The following PDE4D variants were observed in gnomAD, a reference collection of about 807,000 sequenced individuals.
The protein encoded by PDE4D is 3',5'-cyclic-AMP phosphodiesterase 4D.
A neutral mutation model predicts 87.4 loss-of-function variants in PDE4D; 24 were observed. The observed-to-expected ratio is 0.27, with a 90% confidence interval of 0.20 to 0.39. The LOEUF (loss-of-function observed/expected upper bound fraction) is 0.39. PDE4D is among the 10% of genes least tolerant of loss of function. The pLI is 1.00. For missense variants in PDE4D, 714 were observed against 1,041.0 expected (o/e 0.69, Z 4.32); for synonymous variants, 384 against 383.2 (o/e 1.00, Z -0.02).
chr5:60,265,506 T>C (rs964069029), intron 1 of PDE4D, among the ~76,000 whole-genome samples: 1 of 152,188 alleles, frequency 6.6e-6, no homozygotes. Flanking sequence ...GGCTGTCTGA[T>C]GAGCTCTTGG....
chr5:59,124,200 TC>T (rs1182918084), intron 5 of PDE4D, among the ~76,000 whole-genome samples: 1 of 152,152 alleles, frequency 6.6e-6, no homozygotes, highest in Admixed American at 6.5e-5. Flanking sequence ...AGTGAGGAGT[TC>T]TATTTGTTTG....
intron 1 of PDE4D, among the ~76,000 whole-genome samples, chr5:60,255,104 T>A (rs1328115585): frequency 6.6e-6 from 1 of 151,898 alleles, no homozygotes; most frequent in Non-Finnish European, 1.5e-5. Context: ...TTAGTAACCA[T>A]CTCTTCATAT....
chr5:60,319,034 C>G (rs532733443), intron 1 of PDE4D, among the ~76,000 whole-genome samples: 3 of 152,124 alleles, frequency 2.0e-5, no homozygotes, highest in Non-Finnish European at 4.4e-5. Context: ...GTTGGCCTGC[C>G]TTGCTAAATT....
intron 2 of PDE4D, among the ~76,000 whole-genome samples, chr5:59,214,935 T>C (rs73760109): frequency 6.6e-6 from 1 of 152,168 alleles, no homozygotes; most frequent in African/African-American, 2.4e-5. Flanking sequence ...CAGCCTGTTA[T>C]GAGTTTTTGA....
At chr5:60,501,750 A>G (rs997805614) in intron 1 of PDE4D, among the ~76,000 whole-genome samples, 1 of 152,092 alleles carries the variant, frequency 6.6e-6, no homozygotes, top group African/African-American at 2.4e-5. Flanking sequence ...TCTGATGGCC[A>G]GTGATGGTGA....
chr5:59,205,493 T>C (rs923857373), intron 2 of PDE4D, among the ~76,000 whole-genome samples: 5 of 152,152 alleles, frequency 3.3e-5, no homozygotes, highest in Non-Finnish European at 7.4e-5. Context: ...CCGCTTTCTG[T>C]ATGCTCAAAT....
intron 1 of PDE4D, among the ~76,000 whole-genome samples, chr5:60,351,933 G>T (rs1759234510): frequency 6.7e-6 from 1 of 150,368 alleles, no homozygotes; most frequent in South Asian, 2.1e-4. Context: ...AGCCTCCTGA[G>T]TAGCTAGGAC....
intron 1 of PDE4D, among the ~76,000 whole-genome samples, chr5:59,660,523 C>T (rs1745067438): frequency 6.6e-6 from 1 of 151,916 alleles, no homozygotes; most frequent in Non-Finnish European, 1.5e-5. Flanking sequence ...ATTGAAGAGC[C>T]ACCTGACTAC....
intron 1 of PDE4D, among the ~76,000 whole-genome samples, chr5:60,364,824 C>T (rs1179827964): frequency 2.0e-5 from 3 of 152,106 alleles, no homozygotes; most frequent in Non-Finnish European, 2.9e-5. Flanking sequence ...TTTTTAAAAC[C>T]AAAATATACA....
At chr5:59,484,330 G>T (rs1004477297) in intron 1 of PDE4D, among the ~76,000 whole-genome samples, 5 of 152,154 alleles carry the variant, frequency 3.3e-5, no homozygotes, top group African/African-American at 4.8e-5. Flanking sequence ...TGCTCAACTT[G>T]TAATGGACTA....
At chr5:60,111,793 T>C (rs1777717282) in intron 2 of PDE4D, among the ~76,000 whole-genome samples, 1 of 151,968 alleles carries the variant, frequency 6.6e-6, no homozygotes, top group Non-Finnish European at 1.5e-5. Flanking sequence ...AAAATGATGT[T>C]ATTTAATACA....
intron 2 of PDE4D, among the ~76,000 whole-genome samples, chr5:60,132,316 ATTT>A (rs948034400): frequency 6.6e-6 from 1 of 152,160 alleles, no homozygotes; most frequent in Non-Finnish European, 1.5e-5. Flanking sequence ...ATCCCTGTAT[ATTT>A]TAGAAATTAA....
chr5:59,625,804 G>C (rs762501904), intron 1 of PDE4D, among the ~76,000 whole-genome samples: 3 of 152,178 alleles, frequency 2.0e-5, no homozygotes, highest in Non-Finnish European at 4.4e-5. Flanking sequence ...CCAATGACTG[G>C]GCGCGGTGGC....
intron 1 of PDE4D, among the ~76,000 whole-genome samples, chr5:59,611,848 T>C (rs1316206014): frequency 6.6e-6 from 1 of 152,182 alleles, no homozygotes; most frequent in Non-Finnish European, 1.5e-5. Context: ...TTTGATAATA[T>C]AGCAGCCAAA....
At chr5:60,393,262 T>G (rs949499863) in intron 1 of PDE4D, among the ~76,000 whole-genome samples, 1 of 152,106 alleles carries the variant, frequency 6.6e-6, no homozygotes, top group South Asian at 2.1e-4. Flanking sequence ...AGGAAAACAG[T>G]GAGAACTGGG....
At chr5:59,207,083 C>T (rs924859466) in intron 2 of PDE4D, among the ~76,000 whole-genome samples, 1 of 152,012 alleles carries the variant, frequency 6.6e-6, no homozygotes, top group African/African-American at 2.4e-5. Context: ...ACTAGGGAGA[C>T]TGAGGTGGGA....
chr5:59,595,662 G>A (rs927357482), intron 1 of PDE4D, among the ~76,000 whole-genome samples: 4 of 152,144 alleles, frequency 2.6e-5, no homozygotes, highest in African/African-American at 9.7e-5. Context: ...ATCAGATGGG[G>A]CTTACAAAAG....
chr5:60,381,181 T>C (rs1761831394), intron 1 of PDE4D, among the ~76,000 whole-genome samples: 2 of 152,192 alleles, frequency 1.3e-5, no homozygotes, highest in African/African-American at 4.8e-5. Context: ...GTTCCTTCTC[T>C]GAGGAGCTGA....
At chr5:60,164,695 G>C (rs1269925688) in intron 2 of PDE4D, among the ~76,000 whole-genome samples, 1 of 152,086 alleles carries the variant, frequency 6.6e-6, no homozygotes, top group Non-Finnish European at 1.5e-5. Flanking sequence ...TGGAAATTTT[G>C]GCTCTATTAA....
Sources: allele counts gnomAD v4.1 joint callset (sites outside exome capture counted in the v4.1 genomes callset), GRCh38; gene constraint gnomAD v4.1.1; transcripts MANE v1.5; gene names NCBI Gene and HGNC (gene_info 2026-07-23, HGNC 2026-07-21).